PARD3B: variants seen among roughly 807,000 people sequenced by gnomAD.
PARD3B encodes the protein partitioning defective 3 homolog B.
PARD3B carries 103 observed loss-of-function variants against 130.2 expected under a neutral mutation model. The observed-to-expected ratio is 0.79, with a 90% confidence interval of 0.67 to 0.93. The LOEUF is 0.93. Ranked by LOEUF, PARD3B falls within the 40% of genes least tolerant of loss-of-function variation. The pLI, the probability that PARD3B is intolerant of heterozygous loss-of-function variation, is 0.00. For synonymous variants in PARD3B, 583 were observed against 553.2 expected (o/e 1.05, Z -0.76); for missense variants, 1,609 against 1,499.2 (o/e 1.07, Z -1.21).
At position 205,146,519 on chromosome 2, in the gene PARD3B, C is replaced by T. The variant is rs1363503765; in HGVS notation, c.1435-12203C>T. Among the ~76,000 whole-genome samples, 4 of 151,740 alleles carry T rather than the reference C, an allele frequency of 2.6e-5. No homozygotes were observed. Among genetic ancestry groups the T allele is most frequent in the East Asian group, 4.0e-4 (2 of 4,994 alleles). Reference sequence around the variant, plus strand: ...AAAAACATTTATCTGGGCGTGGTGGCGGGCGCCTGTAGTCCCAGCTACTCG... The same window carrying T: ...AAAAACATTTATCTGGGCGTGGTGGTGGGCGCCTGTAGTCCCAGCTACTCG... On this transcript the variant is annotated intron_variant, in intron 10 of 22. Coordinates refer to ENST00000406610, the MANE Select transcript of PARD3B (RefSeq NM_001302769.2). This position sits in a 1 kb window ranked among gnomAD's most constrained non-coding sequence, Gnocchi z 4.3.
chr2:205,257,492 A>C (rs904722427), intron 16 of PARD3B, among the ~76,000 whole-genome samples: 1 of 152,182 alleles, frequency 6.6e-6, no homozygotes, highest in Non-Finnish European at 1.5e-5. Context: ...TTACTGCTGC[A>C]CTAACAGGCC....
chr2:204,849,332 A>G (rs1018085585), intron 2 of PARD3B, among the ~76,000 whole-genome samples: 12 of 152,234 alleles, frequency 7.9e-5, no homozygotes, highest in African/African-American at 2.7e-4. Context: ...ATTTAAAAAT[A>G]GAAACTCTTT....
chr2:205,597,725 G>C (rs1479800834), intron 22 of PARD3B, among the ~76,000 whole-genome samples: 2 of 152,126 alleles, frequency 1.3e-5, no homozygotes, highest in Non-Finnish European at 2.9e-5. Flanking sequence ...CTGACTGTGT[G>C]AGTTAAGGGA....
intron 2 of PARD3B, among the ~76,000 whole-genome samples, chr2:204,889,814 G>C (rs2046384837): frequency 6.6e-6 from 1 of 152,160 alleles, no homozygotes; most frequent in Non-Finnish European, 1.5e-5. Context: ...ACTGATTCAA[G>C]GCTGGTGAAG....
chr2:205,375,278 A>AT (rs2044997151), intron 18 of PARD3B, among the ~76,000 whole-genome samples: 1 of 152,228 alleles, frequency 6.6e-6, no homozygotes, highest in Non-Finnish European at 1.5e-5. Context: ...GAACACTGAG[A>AT]TAATTTGGAT....
intron 4 of PARD3B, among the ~76,000 whole-genome samples, chr2:205,101,359 A>G (rs566563195): frequency 6.6e-6 from 1 of 152,344 alleles, no homozygotes; most frequent in African/African-American, 2.4e-5. Flanking sequence ...GGATGAATAA[A>G]ATAAATTAAA....
chr2:205,419,265 C>G (rs1441349464), intron 19 of PARD3B, among the ~76,000 whole-genome samples: 10 of 152,178 alleles, frequency 6.6e-5, no homozygotes, highest in Admixed American at 5.2e-4. Context: ...GGAGGAGTTC[C>G]CTGCACAAGT....
At chr2:204,643,203 C>T (rs902573201) in intron 1 of PARD3B, among the ~76,000 whole-genome samples, 1 of 149,388 alleles carries the variant, frequency 6.7e-6, no homozygotes, top group Non-Finnish European at 1.5e-5. Context: ...CCTGCTTCCC[C>T]TTCACCTTCT....
intron 22 of PARD3B, among the ~76,000 whole-genome samples, chr2:205,605,037 G>T (rs182543626): frequency 6.6e-6 from 1 of 152,306 alleles, no homozygotes; most frequent in East Asian, 1.9e-4. Context: ...AAGTTCTTGT[G>T]ATGTGTTTTT....
intron 2 of PARD3B, among the ~76,000 whole-genome samples, chr2:204,855,552 A>ATAT (rs1553540279): frequency 4.3e-4 from 62 of 143,148 alleles, no homozygotes; most frequent in Middle Eastern, 3.7e-3. Context: ...AAGAAAAAAA[A>ATAT]ATATATATAT....
chr2:204,987,229 C>T (rs564699818), intron 3 of PARD3B, among the ~76,000 whole-genome samples: 1 of 152,238 alleles, frequency 6.6e-6, no homozygotes, highest in East Asian at 1.9e-4. Context: ...AAAATGAAGA[C>T]AATCAACTTG....
chr2:205,615,963 T>A lies in PARD3B; in HGVS notation c.*150T>A. On this transcript the variant is annotated 3_prime_UTR_variant, in exon 23 of 23. Transcript: ENST00000406610. Reference sequence around the variant, plus strand: ...TGACATTGTAACGCATGACTGCTAATCAGAGAGAAAAAGAAGGGGAAGGGA... The same window carrying A: ...TGACATTGTAACGCATGACTGCTAAACAGAGAGAAAAAGAAGGGGAAGGGA... 1 of 675,280 alleles carries A rather than the reference T, an allele frequency of 1.5e-6. No individual in the cohort carries two copies. The highest frequency in any genetic ancestry group is 2.6e-5 in the South Asian group (1 of 38,622). The allele number at this position is 675,280 out of a possible 1,614,324, so 41.8% of individuals were successfully genotyped here. A position where few individuals can be genotyped will look rare whatever the true frequency, so the allele number is the denominator to read the frequency against.
At chr2:205,522,983 T>C (rs908420130) in intron 21 of PARD3B, among the ~76,000 whole-genome samples, 1 of 151,788 alleles carries the variant, frequency 6.6e-6, no homozygotes, top group Non-Finnish European at 1.5e-5. Context: ...AATTCCCATA[T>C]ACTGTTTGGT....
Position 205,615,844 on chromosome 2 carries a change from A to C in PARD3B, c.*31A>C. ...TGCCACCGAGGCCAGCCCGGTCCAG[A>C]AAGGAAGGTGTCTACTCTACCTTTG... On this transcript the variant is annotated 3_prime_UTR_variant, in exon 23 of 23. Coordinates refer to ENST00000406610, the MANE Select transcript of PARD3B (RefSeq NM_001302769.2). 6.4e-7 allele frequency: 1 copy of C among 1,558,872 alleles called. No homozygotes were observed. Among genetic ancestry groups the C allele is most frequent in the Non-Finnish European group, 8.7e-7 (1 of 1,143,216 alleles).
At chr2:205,156,260 T>G (rs1340850652) in intron 10 of PARD3B, among the ~76,000 whole-genome samples, 11 of 27,544 alleles carry the variant, frequency 4.0e-4, no homozygotes, top group African/African-American at 7.0e-4. Flanking sequence ...TGGGGACTGT[T>G]GTGGGGTGGG....
In PARD3B at chr2:205,258,797, G is replaced by C. The variant is rs957133573; in HGVS notation, c.2185+12975G>C. ...TGTGACAACCTGAATTGTAACTGGG[G>C]TTTAACACATTTACATTTATTGCAA... On this transcript the variant is annotated intron_variant, in intron 16 of 22. Coordinates refer to ENST00000406610, the MANE Select transcript of PARD3B (RefSeq NM_001302769.2). This position sits in a 1 kb window ranked among gnomAD's most constrained non-coding sequence, Gnocchi z 4.9. 6.6e-6 allele frequency among the ~76,000 whole-genome samples: 1 copy of C among 152,152 alleles called. No individual in the cohort carries two copies. Among genetic ancestry groups the C allele is most frequent in the East Asian group, 1.9e-4 (1 of 5,196 alleles).
intron 19 of PARD3B, among the ~76,000 whole-genome samples, chr2:205,416,040 T>G (rs2046763965): frequency 6.6e-6 from 1 of 152,228 alleles, no homozygotes; most frequent in African/African-American, 2.4e-5. Flanking sequence ...GGAAAGGAAT[T>G]TTTTTTCATT....
chr2:204,549,706 T>C (rs2030302326), intron 1 of PARD3B, among the ~76,000 whole-genome samples: 2 of 151,058 alleles, frequency 1.3e-5, no homozygotes, highest in Admixed American at 1.3e-4. Context: ...TGATGGCAGA[T>C]ACTGTGTCTT....
At chr2:205,612,814 T>C (rs891160145) in intron 22 of PARD3B, among the ~76,000 whole-genome samples, 1 of 152,204 alleles carries the variant, frequency 6.6e-6, no homozygotes, top group Admixed American at 6.5e-5. Flanking sequence ...GGAAGCAATA[T>C]GGGACCACAA....
Sources: allele counts gnomAD v4.1 joint callset (sites outside exome capture counted in the v4.1 genomes callset), GRCh38; gene constraint gnomAD v4.1.1; non-coding constraint Gnocchi (gnomAD v3.1); transcripts MANE v1.5; gene names NCBI Gene and HGNC (gene_info 2026-07-23, HGNC 2026-07-21).